Variants in GOLM2 observed in about 807,000 individuals in gnomAD.
GOLM2 encodes golgi membrane protein 2.
Under a neutral mutation model 55.9 loss-of-function variants are expected in GOLM2, and 26 were observed. That is an observed-to-expected ratio of 0.47 (90% CI 0.34 to 0.65). The LOEUF is 0.65. Among genes scored for constraint, GOLM2 ranks in the 30% least tolerant of loss-of-function variants. GOLM2 has a pLI of 0.01. For synonymous variants in GOLM2, 165 were observed against 194.6 expected, an observed-to-expected ratio of 0.85 and a Z score of 1.27; for missense variants, 486 against 531.8, an observed-to-expected ratio of 0.91 and a Z score of 0.85.
At chr15:44,370,569 G>A (rs1326661570) in intron 6 of GOLM2, among the ~76,000 whole-genome samples, 1 of 152,108 alleles carries the variant, frequency 6.6e-6, no homozygotes, top group Non-Finnish European at 1.5e-5. Context: ...CTCTAAGAGC[G>A]TGGTCCCTAC....
intron 1 of GOLM2, among the ~76,000 whole-genome samples, chr15:44,290,866 A>G (rs2078715950): frequency 6.6e-6 from 1 of 150,924 alleles, no homozygotes. Flanking sequence ...CAATGGCGTG[A>G]TCTCAGCTCA....
chr15:44,400,441 C>G (rs1047045033), intron 8 of GOLM2, among the ~76,000 whole-genome samples: 6 of 151,992 alleles, frequency 3.9e-5, no homozygotes, highest in Admixed American at 2.0e-4. Flanking sequence ...GCCTCAGCCT[C>G]CCAAGTAGCT....
At chr15:44,355,007 G>A (rs1352521504) in intron 6 of GOLM2, 2 of 153,936 alleles carry the variant, frequency 1.3e-5, no homozygotes, top group African/African-American at 4.8e-5. Flanking sequence ...TCACTATCTT[G>A]TATATGGCTG....
chr15:44,325,069 G>A lies in GOLM2; in HGVS notation c.382+2050G>A, dbSNP rs768786605. Among the ~76,000 whole-genome samples the A allele has an allele frequency of 8.5e-5, 13 of 152,128 alleles. 1 individual carries two copies. Among genetic ancestry groups the A allele is most frequent in the Non-Finnish European group, 1.6e-4 (11 of 68,010 alleles). Reference sequence around the variant, plus strand: ...AGGGGTACATGTGCAGGATGTGCAGGTTTGTTACATAGGTAAACATGTGTC... The same window carrying A: ...AGGGGTACATGTGCAGGATGTGCAGATTTGTTACATAGGTAAACATGTGTC... On this transcript the variant is annotated intron_variant, in intron 2 of 9. Coordinates refer to ENST00000299957, the MANE Select transcript of GOLM2 (RefSeq NM_138423.4).
At chr15:44,370,254 C>T (rs547916368) in intron 6 of GOLM2, among the ~76,000 whole-genome samples, 12 of 152,318 alleles carry the variant, frequency 7.9e-5, no homozygotes, top group South Asian at 2.1e-4. Flanking sequence ...GAAGTTGACA[C>T]TCAATACTAA....
chr15:44,349,151 CG>C (rs2079144214), intron 6 of GOLM2, among the ~76,000 whole-genome samples: 1 of 149,942 alleles, frequency 6.7e-6, no homozygotes, highest in African/African-American at 2.5e-5. Flanking sequence ...CCCAGCTACT[CG>C]GGAGGCTGAG....
chr15:44,318,708 C>CAA lies in GOLM2; in HGVS notation c.328-4240_328-4239dup, dbSNP rs932864980. On this transcript the variant is annotated intron_variant, in intron 1 of 9. Coordinates refer to ENST00000299957, the MANE Select transcript of GOLM2 (RefSeq NM_138423.4). ...TGGGCAACAGACCGACACTCTGTCT[C>CAA]AAAAAAAAAAAAAAAAAATTGGAAG... 8.9e-4 allele frequency among the ~76,000 whole-genome samples: 84 copies of CAA among 94,904 alleles called. 2 individuals carry two copies. The highest frequency in any genetic ancestry group is 5.9e-3 in the South Asian group (18 of 3,064). The allele number at this position is 94,904 out of a possible 152,430, so 62.3% of individuals were successfully genotyped here.
intron 6 of GOLM2, among the ~76,000 whole-genome samples, chr15:44,345,304 G>T (rs1299213619): frequency 1.3e-5 from 2 of 148,332 alleles, no homozygotes; most frequent in Non-Finnish European, 3.0e-5. Context: ...ACAGAGTCTC[G>T]CTGTGTCGCC....
chr15:44,385,394 A>G (rs974122804), intron 8 of GOLM2, among the ~76,000 whole-genome samples: 3 of 120,674 alleles, frequency 2.5e-5, no homozygotes, highest in South Asian at 5.8e-4. Flanking sequence ...CGCCACTTTC[A>G]TTCATTCCTT....
intron 8 of GOLM2, among the ~76,000 whole-genome samples, chr15:44,397,478 CAAA>C (rs1007948393): frequency 3.1e-5 from 1 of 32,560 alleles, no homozygotes; most frequent in Non-Finnish European, 5.6e-5. Flanking sequence ...GACTCCGTCT[CAAA>C]AAAAAAAAAA....
intron 1 of GOLM2, chr15:44,308,063 A>G (rs1326191245): frequency 6.6e-6 from 1 of 152,240 alleles, no homozygotes. Context: ...TAAAACATCT[A>G]TAACAAAATT....
chr15:44,403,096 AC>A, intron 9 of GOLM2, 42 bp downstream of exon 9: 1 of 1,608,212 alleles, frequency 6.2e-7, no homozygotes, highest in Non-Finnish European at 8.5e-7. Flanking sequence ...CATGAAACCC[AC>A]CTCTAAGTTT....
intron 6 of GOLM2, among the ~76,000 whole-genome samples, chr15:44,352,340 A>G (rs1287867683): frequency 6.6e-6 from 1 of 152,176 alleles, no homozygotes; most frequent in Middle Eastern, 3.2e-3. Flanking sequence ...TCTTCATTAG[A>G]TGGTGCTGGG....
At chr15:44,409,358 G>C (rs1045403090) in intron 9 of GOLM2, among the ~76,000 whole-genome samples, 1 of 148,022 alleles carries the variant, frequency 6.8e-6, no homozygotes, top group African/African-American at 2.5e-5. Context: ...AGGCCGAGGC[G>C]GGTGGATCGC....
chr15:44,339,372 T>A (rs1487260403), intron 6 of GOLM2, among the ~76,000 whole-genome samples: 1 of 152,190 alleles, frequency 6.6e-6, no homozygotes, highest in Non-Finnish European at 1.5e-5. Context: ...ACAGTCTCTC[T>A]CTGTTGCCCA....
rs528780968 is a variant in GOLM2, at chr15:44,312,819, G to A, written c.328-10146G>A. On this transcript the variant is annotated intron_variant, in intron 1 of 9. Transcript: ENST00000299957. ...ACAATGGCTGGGTGCGGTGGCTCAC[G>A]CCTGTAATCCCAGCACTTTGGGAGG... is the stretch of plus-strand genomic sequence containing the variant. Among the ~76,000 whole-genome samples the A allele has an allele frequency of 5.9e-5, 9 of 152,128 alleles. No individual in the cohort carries two copies. The East Asian group carries it at 1.4e-3, about 23-fold the overall frequency.
At chr15:44,375,992 T>G (rs1239699377) in intron 6 of GOLM2, among the ~76,000 whole-genome samples, 2 of 152,040 alleles carry the variant, frequency 1.3e-5, no homozygotes, top group African/African-American at 4.8e-5. Flanking sequence ...ATCCCAGCAC[T>G]TTGGGAGGCC....
chr15:44,413,347 C>G lies in GOLM2; in HGVS notation c.1252C>G (p.Arg418Gly), dbSNP rs200685854. The G allele has an allele frequency of 6.2e-7, 1 of 1,609,612 alleles. No homozygotes were observed. The highest frequency in any genetic ancestry group is 2.2e-5 in the East Asian group (1 of 44,712). The change falls in exon 10 of 10, where the codon CGA (arginine) becomes GGA (glycine). Residue 418 changes from arginine to glycine, a missense_variant. Transcript: ENST00000299957. ...TATTTTACTTACAGATGATGAAGAA[C>G]GAGAGCTTCAAATGGATCCTGCAGA... ...GEEDVQDDEE[R>G]ELQMDPADYG...
At chr15:44,333,001 C>T (rs756002094) in intron 4 of GOLM2, among the ~76,000 whole-genome samples, 4 of 152,118 alleles carry the variant, frequency 2.6e-5, no homozygotes, top group African/African-American at 7.2e-5. Flanking sequence ...GGCGTGATCT[C>T]GGCTCACTGC....
Sources: gnomAD v4.1 joint callset for allele counts (sites outside exome capture counted in the v4.1 genomes callset) on GRCh38, gnomAD v4.1.1 for gene constraint, MANE v1.5 for transcripts, NCBI Gene and HGNC (gene_info 2026-07-23, HGNC 2026-07-21) for gene names.